CRYBG2: variants seen among roughly 807,000 people sequenced by gnomAD.
CRYBG2 encodes the protein crystallin beta-gamma domain containing 2, also known as beta/gamma crystallin domain-containing protein 2.
A neutral mutation model predicts 153.4 loss-of-function variants in CRYBG2; 106 were observed. The observed-to-expected ratio is 0.69, with a 90% CI of 0.59 to 0.81. The LOEUF is 0.81. CRYBG2 is among the 30% of genes least tolerant of loss of function. CRYBG2 has a pLI of 0.00. For missense variants in CRYBG2, 1,996 were observed against 2,112.0 expected (o/e 0.95, Z 1.08); for synonymous variants, 851 against 877.8 (o/e 0.97, Z 0.54).
intron 18 of CRYBG2, among the ~76,000 whole-genome samples, chr1:26,323,815 C>G (rs1447735050): frequency 6.6e-6 from 1 of 152,048 alleles, no homozygotes; most frequent in Non-Finnish European, 1.5e-5. Flanking sequence ...TGTCCTCAAG[C>G]AATCCTCCTG....
intron 19 of CRYBG2, 44 bp downstream of exon 19, chr1:26,322,120 C>T: frequency 6.2e-7 from 1 of 1,600,688 alleles, no homozygotes; most frequent in Non-Finnish European, 8.6e-7. Context: ...CTCCATGGCT[C>T]TCAGCCCCCT....
intron 1 of CRYBG2, among the ~76,000 whole-genome samples, chr1:26,347,537 G>A (rs2074239590): frequency 6.6e-6 from 1 of 151,400 alleles, no homozygotes; most frequent in East Asian, 1.9e-4. Flanking sequence ...CACCTAGGCT[G>A]GAGTGCAGTG....
intron 14 of CRYBG2, among the ~76,000 whole-genome samples, chr1:26,334,612 G>A (rs1214218844): frequency 6.6e-6 from 1 of 152,056 alleles, no homozygotes; most frequent in East Asian, 1.9e-4. Flanking sequence ...GGTTATAGGT[G>A]AATATCTTGA....
At chr1:26,341,778 G>T (rs1002464374) in intron 5 of CRYBG2, among the ~76,000 whole-genome samples, 1 of 152,106 alleles carries the variant, frequency 6.6e-6, no homozygotes, top group Non-Finnish European at 1.5e-5. Flanking sequence ...GAGCCACTGC[G>T]CCTGGCCTTT....
At chr1:26,348,332 G>A (rs901712258) in intron 1 of CRYBG2, among the ~76,000 whole-genome samples, 1 of 152,146 alleles carries the variant, frequency 6.6e-6, no homozygotes, top group East Asian at 1.9e-4. Flanking sequence ...AGAGGTGGGA[G>A]GATTGCTTGA....
At chr1:26,330,677 T>C (rs1187173139) in intron 15 of CRYBG2, among the ~76,000 whole-genome samples, 1 of 151,794 alleles carries the variant, frequency 6.6e-6, no homozygotes, top group Admixed American at 6.6e-5. Context: ...CAGCTGGGAT[T>C]ACAGACGTGC....
rs2074147443 is a variant in CRYBG2, at chr1:26,342,787, G to A, written c.3171C>T (p.Pro1057=). ...ELRTPGTKWS[P]QGIGSLRRVV... ...CCCTCCTTAGGGAGCCGATGCCTTG[G>A]GGACTCCACTTTGTCCCTGGGGTTC... The change falls in exon 5 of 20, where the codon CCC becomes CCT. Residue 1057 remains proline, a synonymous_variant. Coordinates refer to ENST00000308182, the MANE Select transcript of CRYBG2 (RefSeq NM_001039775.4). The A allele has an allele frequency of 2.5e-6, 4 of 1,613,960 alleles. No homozygotes were observed. The highest frequency in any genetic ancestry group is 1.1e-5 in the South Asian group (1 of 91,080).
intron 1 of CRYBG2, among the ~76,000 whole-genome samples, chr1:26,350,434 T>C (rs868831910): frequency 1.8e-4 from 27 of 152,314 alleles, no homozygotes; most frequent in African/African-American, 5.5e-4. Context: ...CATTGAAGCC[T>C]CAGAAGAATC....
In CRYBG2 at chr1:26,344,456, C is replaced by T. The variant is rs555550923; in HGVS notation, c.2202G>A (p.Thr734=). Residue 734 remains threonine (T), a synonymous_variant, in exon 2 of 20, where the codon ACG becomes ACA. Coordinates refer to ENST00000308182, the MANE Select transcript of CRYBG2 (RefSeq NM_001039775.4). ...APVPTGAEAS[T]ESQLVSDPTE... ...TGGGATCAGAGACAAGCTGGGACTC[C>T]GTGCTGGCCTCTGCTCCTGTTGGCA... 36 of 1,527,580 alleles carry T rather than the reference C, an allele frequency of 2.4e-5. No homozygotes were observed. The highest frequency in any genetic ancestry group is 1.4e-4 in the Admixed American group (7 of 48,916). 94.6% of individuals were successfully genotyped at this position (1,527,580 alleles called of 1,614,324 possible).
At chr1:26,326,876 C>A in intron 17 of CRYBG2, 2 of 496,198 alleles carry the variant, frequency 4.0e-6, no homozygotes, top group Non-Finnish European at 4.0e-6. Context: ...GTCTAAAGTT[C>A]TTATGAGATT....
In CRYBG2 at chr1:26,345,992, C is replaced by T; in HGVS notation, c.666G>A (p.Val222=). The T allele has an allele frequency of 1.3e-6, 2 of 1,593,760 alleles. No homozygotes were observed. The highest frequency in any genetic ancestry group is 1.7e-6 in the Non-Finnish European group (2 of 1,177,402). ...QVSRMVPPVV[V]GSPPGSPSRS... ...GGCTGGGCGAGCCTGGTGGGGAGCC[C>T]ACCACCACTGGCGGCACCATGCGGG... is the stretch of plus-strand genomic sequence containing the variant. The change falls in exon 2 of 20, where the codon GTG becomes GTA. Residue 222 remains valine, a synonymous_variant. Coordinates refer to ENST00000308182, the MANE Select transcript of CRYBG2 (RefSeq NM_001039775.4).
chr1:26,323,182 G>A (rs1039591414), intron 18 of CRYBG2, among the ~76,000 whole-genome samples: 3 of 151,598 alleles, frequency 2.0e-5, no homozygotes, highest in Non-Finnish European at 4.4e-5. Flanking sequence ...CTGGGCTCAC[G>A]TAATCCTCCC....
Position 26,346,224 on chromosome 1 carries a change from A to G in CRYBG2, c.434T>C (p.Val145Ala). 6.4e-7 allele frequency: 1 copy of G among 1,574,142 alleles called. No individual in the cohort carries two copies. Among genetic ancestry groups the G allele is most frequent in the Non-Finnish European group, 8.6e-7 (1 of 1,166,056 alleles). ...VGAMARTELL[V>A]PLPGPREPSP... ...TGGCTCTCGGGGCCCAGGCAGGGGA[A>G]CCAAAAGCTCAGTCCTGGCCATAGC... Residue 145 changes from valine to alanine, a missense_variant, in exon 2 of 20, where the codon GTT (valine) becomes GCT (alanine). Coordinates refer to ENST00000308182, the MANE Select transcript of CRYBG2 (RefSeq NM_001039775.4). The surrounding 1 kb of genome is among the most constrained non-coding windows in gnomAD (Gnocchi z 4.9).
At chr1:26,340,321 C>T (rs1380528333) in intron 5 of CRYBG2, among the ~76,000 whole-genome samples, 1 of 152,212 alleles carries the variant, frequency 6.6e-6, no homozygotes, top group African/African-American at 2.4e-5. Flanking sequence ...TTCATCCAGT[C>T]ACAGGTAAGG....
rs1282865006 is a variant in CRYBG2, at chr1:26,322,304, A to G, written c.4757T>C (p.Leu1586Pro). The G allele has an allele frequency of 3.1e-6, 5 of 1,612,812 alleles. No individual in the cohort carries two copies. The highest frequency in any genetic ancestry group is 4.2e-6 in the Non-Finnish European group (5 of 1,179,470). ...TGGGCTAGGGGGTCCAATCACCTGTAGGCTCATGGTGGGGGCCATCTGAGG... is the reference window on the plus strand; with the variant it reads ...TGGGCTAGGGGGTCCAATCACCTGTGGGCTCATGGTGGGGGCCATCTGAGG... ...LKNQMAPTMS[L>P]QVIGPPSPGS... is the part of the protein sequence containing the mutation. The change falls in exon 19 of 20, where the codon CTA (leucine) becomes CCA (proline). Residue 1586 changes from leucine to proline, a missense_variant. Physicochemically the swap from Leu to Pro is moderately conservative, Grantham distance 98. Coordinates refer to ENST00000308182, the MANE Select transcript of CRYBG2 (RefSeq NM_001039775.4).
At chr1:26,351,810 T>C (rs2074290098) in intron 1 of CRYBG2, among the ~76,000 whole-genome samples, 1 of 152,072 alleles carries the variant, frequency 6.6e-6, no homozygotes, top group Admixed American at 6.5e-5. Flanking sequence ...CAGTCATGAG[T>C]GCTAGAATGT....
At chr1:26,326,540 C>CA (rs140765637) in intron 17 of CRYBG2, 574 of 103,062 alleles carry the variant, frequency 5.6e-3, no homozygotes, top group South Asian at 0.017. Context: ...GACTCTGTCT[C>CA]AAAAAAAAAA....
At chr1:26,323,956 T>C (rs914776243) in intron 18 of CRYBG2, among the ~76,000 whole-genome samples, 196 bp downstream of exon 18, 1 of 152,190 alleles carries the variant, frequency 6.6e-6, no homozygotes, top group African/African-American at 2.4e-5. Flanking sequence ...ACCCAGTTCA[T>C]TGCTCTTGTT....
Position 26,346,153 on chromosome 1 carries a change from G to C in CRYBG2, c.505C>G (p.Leu169Val). 1.3e-6 allele frequency: 2 copies of C among 1,552,242 alleles called. No homozygotes were observed. Among genetic ancestry groups the C allele is most frequent in the Non-Finnish European group, 1.7e-6 (2 of 1,154,740 alleles). Residue 169 changes from leucine (L) to valine (V), a missense_variant, in exon 2 of 20, where the codon CTC becomes GTC. Transcript: ENST00000308182. The surrounding 1 kb of genome is among the most constrained non-coding windows in gnomAD (Gnocchi z 4.9). ...GTGCGTGTCACTCGGTATTCCTCGA[G>C]GCTCCGGGAGCTACCACTGGTGAGA... is the stretch of plus-strand genomic sequence containing the variant. ...VGLTSGSSRS[L>V]EEYRVTRTVR...
Sources: allele counts gnomAD v4.1 joint callset (sites outside exome capture counted in the v4.1 genomes callset), GRCh38; gene constraint gnomAD v4.1.1; non-coding constraint Gnocchi (gnomAD v3.1); transcripts MANE v1.5; gene names NCBI Gene and HGNC (gene_info 2026-07-23, HGNC 2026-07-21).